The following NKAIN3 variants were observed in gnomAD, a reference collection of about 807,000 sequenced individuals.
NKAIN3 encodes sodium/potassium transporting ATPase interacting 3, also known as sodium/potassium-transporting ATPase subunit beta-1-interacting protein 3.
A neutral mutation model predicts 30.2 loss-of-function variants in NKAIN3; 25 were observed. That is an observed-to-expected ratio of 0.83 (90% CI 0.60 to 1.16). The LOEUF is 1.16. Ranked by LOEUF, NKAIN3 falls within the 50% of genes most tolerant of loss-of-function variation. The pLI is 0.00. For synonymous variants in NKAIN3, 91 were observed against 89.6 expected (o/e 1.02, Z -0.09); for missense variants, 225 against 254.1 (o/e 0.89, Z 0.78).
At chr8:62,337,658 T>C (rs1490202288) in intron 1 of NKAIN3, among the ~76,000 whole-genome samples, 1 of 151,988 alleles carries the variant, frequency 6.6e-6, no homozygotes, top group South Asian at 2.1e-4. Context: ...CACTCACACA[T>C]GCACAGCACG....
intron 4 of NKAIN3, among the ~76,000 whole-genome samples, chr8:62,751,104 G>A (rs964610005): frequency 1.3e-5 from 2 of 152,022 alleles, no homozygotes; most frequent in Non-Finnish European, 2.9e-5. Context: ...GGAGGCCCTC[G>A]TGACCTGCGC....
intron 1 of NKAIN3, among the ~76,000 whole-genome samples, chr8:62,361,205 C>T (rs1816550733): frequency 6.6e-6 from 1 of 152,182 alleles, no homozygotes; most frequent in African/African-American, 2.4e-5. Context: ...CAACTAATAA[C>T]ATTTATTAAA....
chr8:62,965,915 G>A lies in NKAIN3; in HGVS notation c.*508G>A. 5.1e-6 allele frequency: 5 copies of A among 985,144 alleles called. No individual in the cohort carries two copies. Among genetic ancestry groups the A allele is most frequent in the East Asian group, 2.3e-4 (2 of 8,812 alleles). The allele number at this position is 985,144 out of a possible 1,614,324, so 61.0% of individuals were successfully genotyped here. On this transcript the variant is annotated 3_prime_UTR_variant, in exon 7 of 7. Transcript: ENST00000623646. ...GGATCCAGCTTTTGGATTGAATATGGGTCATTTTTTCAACAGCATAAAACA... is the reference window on the plus strand; with the variant it reads ...GGATCCAGCTTTTGGATTGAATATGAGTCATTTTTTCAACAGCATAAAACA...
chr8:62,589,562 G>A (rs1026482220), intron 2 of NKAIN3, among the ~76,000 whole-genome samples, 152 bp from the exon 3 acceptor site: 3 of 151,504 alleles, frequency 2.0e-5, no homozygotes, highest in South Asian at 2.1e-4. Flanking sequence ...GAAAGCTTAG[G>A]GGACCACATA....
intron 1 of NKAIN3, among the ~76,000 whole-genome samples, chr8:62,497,181 ATT>A (rs1221681795): frequency 6.6e-6 from 1 of 151,560 alleles, no homozygotes; most frequent in Non-Finnish European, 1.5e-5. Context: ...TTTGATATAT[ATT>A]TTAATTGCTA....
At chr8:62,674,713 C>T (rs1813418282) in intron 3 of NKAIN3, among the ~76,000 whole-genome samples, 1 of 152,020 alleles carries the variant, frequency 6.6e-6, no homozygotes, top group Non-Finnish European at 1.5e-5. Context: ...GCAGGGATGC[C>T]CAGCAAATCT....
intron 3 of NKAIN3, among the ~76,000 whole-genome samples, chr8:62,743,480 G>A (rs931443126): frequency 3.9e-5 from 6 of 152,182 alleles, no homozygotes; most frequent in Non-Finnish European, 7.3e-5. Context: ...TTCAATCAAA[G>A]TTTTACATGT....
intron 4 of NKAIN3, among the ~76,000 whole-genome samples, chr8:62,818,659 T>C (rs949725124): frequency 1.7e-4 from 26 of 152,248 alleles, no homozygotes; most frequent in African/African-American, 5.3e-4. Flanking sequence ...AATTTCTTTA[T>C]CCAAGGTTCT....
At chr8:62,962,501 C>A (rs1333936427) in intron 6 of NKAIN3, among the ~76,000 whole-genome samples, 1 of 152,154 alleles carries the variant, frequency 6.6e-6, no homozygotes, top group Non-Finnish European at 1.5e-5. Context: ...GAAATTCTTA[C>A]CAATTGAGCA....
chr8:62,481,475 T>C (rs1806717845), intron 1 of NKAIN3, among the ~76,000 whole-genome samples: 1 of 152,292 alleles, frequency 6.6e-6, no homozygotes, highest in South Asian at 2.1e-4. Flanking sequence ...TAACTATCTA[T>C]TTATTTGTGT....
At chr8:62,803,780 G>A (rs2130699622) in intron 4 of NKAIN3, among the ~76,000 whole-genome samples, 1 of 152,258 alleles carries the variant, frequency 6.6e-6, no homozygotes, top group South Asian at 2.1e-4. Flanking sequence ...AGAACTGAAG[G>A]AAATAGCAAC....
intron 4 of NKAIN3, among the ~76,000 whole-genome samples, chr8:62,849,288 T>C (rs1419848102): frequency 8.1e-6 from 1 of 122,902 alleles, no homozygotes; most frequent in African/African-American, 2.9e-5. Context: ...ATTCATCTGG[T>C]CCTGGGCTTT....
intron 5 of NKAIN3, among the ~76,000 whole-genome samples, chr8:62,921,269 G>GT (rs929082672): frequency 4.6e-5 from 7 of 152,148 alleles, no homozygotes; most frequent in African/African-American, 7.2e-5. Context: ...TATAATGTCA[G>GT]TTTTTTGGCA....
At chr8:62,862,501 A>G (rs1196385390) in intron 4 of NKAIN3, among the ~76,000 whole-genome samples, 1 of 152,168 alleles carries the variant, frequency 6.6e-6, no homozygotes, top group Non-Finnish European at 1.5e-5. Context: ...GCAATTAAAA[A>G]TAATTCAAAA....
At chr8:62,348,868 G>C (rs1232933140) in intron 1 of NKAIN3, among the ~76,000 whole-genome samples, 1 of 152,012 alleles carries the variant, frequency 6.6e-6, no homozygotes, top group Non-Finnish European at 1.5e-5. Flanking sequence ...TAAGAAATAC[G>C]AGCCAAAGCC....
chr8:62,965,424 G>C lies in NKAIN3; in HGVS notation c.*17G>C. On this transcript the variant is annotated 3_prime_UTR_variant, in exon 7 of 7. Coordinates refer to ENST00000623646, the MANE Select transcript of NKAIN3 (RefSeq NM_001304533.3). ...TTGACTTAGGGAGCAAAGGACCATT[G>C]ACTGCGCGCCTCGGTGGATCCGACC... 1 of 985,748 alleles carries C rather than the reference G, an allele frequency of 1.0e-6. No homozygotes were observed. Among genetic ancestry groups the C allele is most frequent in the Admixed American group, 6.1e-5 (1 of 16,262 alleles). 61.1% of individuals were successfully genotyped at this position (985,748 alleles called of 1,614,324 possible).
rs59670284 is a variant in NKAIN3 at position 62,954,059 on chromosome 8, C to T, written c.603+87C>T. 2,440 of 244,162 alleles carry T rather than the reference C, an allele frequency of 1.0e-2. 71 individuals carry two copies. Among genetic ancestry groups the T allele is most frequent in the African/African-American group, 0.054 (2,332 of 43,154 alleles). 15.1% of individuals were successfully genotyped at this position (244,162 alleles called of 1,614,324 possible). On this transcript the variant is annotated intron_variant, in intron 6 of 6. Transcript: ENST00000623646. ...AAAGTGAAATAATTTGAACCTACTA[C>T]TACTAATCATTGGTTTAATTTTCCA...
At chr8:62,825,823 G>C (rs1055733885) in intron 4 of NKAIN3, among the ~76,000 whole-genome samples, 5 of 152,140 alleles carry the variant, frequency 3.3e-5, no homozygotes, top group African/African-American at 1.2e-4. Flanking sequence ...TGCTACAGAG[G>C]GCAGAGTGGT....
chr8:62,777,699 C>G (rs997508131), intron 4 of NKAIN3, among the ~76,000 whole-genome samples: 1 of 152,060 alleles, frequency 6.6e-6, no homozygotes, highest in Non-Finnish European at 1.5e-5. Context: ...GTTCCTGGTG[C>G]CTTATTTAGT....
Sources: allele counts gnomAD v4.1 joint callset (sites outside exome capture counted in the v4.1 genomes callset), GRCh38; gene constraint gnomAD v4.1.1; transcripts MANE v1.5; gene names NCBI Gene and HGNC (gene_info 2026-07-23, HGNC 2026-07-21).